The following LONP2 variants were observed in gnomAD, a reference collection of about 807,000 sequenced individuals.
The protein encoded by LONP2 is lon protease homolog 2, peroxisomal.
LONP2 carries 60 observed loss-of-function variants against 85.6 expected under a neutral mutation model. The ratio of observed to expected loss-of-function variants is 0.70; its 90% CI spans 0.57 to 0.87. LONP2 has a LOEUF of 0.87. LONP2 is among the 40% of genes least tolerant of loss of function. LONP2 has a pLI of 0.00. For missense variants in LONP2, 860 were observed against 1,063.5 expected (o/e 0.81, Z 2.66); for synonymous variants, 395 against 389.7 (o/e 1.01, Z -0.16).
chr16:48,270,435 G>A (rs1307066041), intron 7 of LONP2, among the ~76,000 whole-genome samples, 161 bp downstream of exon 7: 1 of 152,166 alleles, frequency 6.6e-6, no homozygotes, highest in South Asian at 2.1e-4. Context: ...CTAGCCTAGA[G>A]CCTCTAAGCG....
intron 8 of LONP2, among the ~76,000 whole-genome samples, chr16:48,285,858 C>T (rs143034854): frequency 2.0e-5 from 3 of 152,162 alleles, no homozygotes; most frequent in African/African-American, 7.2e-5. Flanking sequence ...ATGTTAAGCA[C>T]ATTCGCATTG....
chr16:48,293,652 A>G (rs568386232), intron 8 of LONP2, among the ~76,000 whole-genome samples: 1 of 152,276 alleles, frequency 6.6e-6, no homozygotes, highest in Non-Finnish European at 1.5e-5. Context: ...GAAGGACACA[A>G]CAGAACTCTT....
At chr16:48,287,533 T>G (rs995047749) in intron 8 of LONP2, among the ~76,000 whole-genome samples, 2 of 152,210 alleles carry the variant, frequency 1.3e-5, no homozygotes, top group Admixed American at 6.5e-5. Flanking sequence ...AATAAGGATA[T>G]GGAGCTCTTC....
chr16:48,347,572 A>G lies in LONP2; in HGVS notation c.2004A>G (p.Glu668=), dbSNP rs1567353915. The G allele has an allele frequency of 1.3e-5, 21 of 1,614,140 alleles. No individual in the cohort carries two copies. The highest frequency in any genetic ancestry group is 1.8e-5 in the Non-Finnish European group (21 of 1,180,052). ...TGGCTTGGACTCCCTTAGGTGGAGAAATCATGTTCGTGGAGGCGAGTCGAA... is the reference window on the plus strand; with the variant it reads ...TGGCTTGGACTCCCTTAGGTGGAGAGATCATGTTCGTGGAGGCGAGTCGAA... ...IGLAWTPLGG[E]IMFVEASRMD... The change falls in exon 13 of 15, where the codon GAA becomes GAG. Residue 668 remains glutamate (E), a synonymous_variant. Transcript: ENST00000285737.
At chr16:48,300,570 G>A (rs1030063153) in intron 10 of LONP2, among the ~76,000 whole-genome samples, 2 of 152,204 alleles carry the variant, frequency 1.3e-5, no homozygotes, top group Admixed American at 6.5e-5. Flanking sequence ...AGTAACTACT[G>A]TTTTTAAGAG....
At position 48,362,551 on chromosome 16, in the gene LONP2, G is replaced by A. The variant is rs1462874069; in HGVS notation, c.*688G>A. On this transcript the variant is annotated 3_prime_UTR_variant, in exon 5 of 5. Coordinates refer to the LONP2 transcript ENST00000565867. This position sits in a 1 kb window ranked among gnomAD's most constrained non-coding sequence, Gnocchi z 4.2. ...CATACAAAATTTACTGAGCAAAAGA[G>A]GAAGAAAAATAGGATTAAAAAAGAT... 2.1e-6 allele frequency: 2 copies of A among 963,862 alleles called. No individual in the cohort carries two copies. Among genetic ancestry groups the A allele is most frequent in the Non-Finnish European group, 3.1e-6 (2 of 650,182 alleles). 59.7% of individuals were successfully genotyped at this position (963,862 alleles called of 1,614,324 possible).
chr16:48,294,301 A>C (rs1596956512), intron 8 of LONP2, among the ~76,000 whole-genome samples: 2 of 152,292 alleles, frequency 1.3e-5, no homozygotes, highest in African/African-American at 4.8e-5. Flanking sequence ...TTCAATACTG[A>C]ACATAATTAG....
intron 2 of LONP2, among the ~76,000 whole-genome samples, chr16:48,254,566 T>A (rs983009961): frequency 6.6e-6 from 1 of 152,090 alleles, no homozygotes; most frequent in South Asian, 2.1e-4. Context: ...GGTTTCACCA[T>A]GTTGGCCAGG....
chr16:48,263,339 C>G (rs61055548), intron 6 of LONP2, among the ~76,000 whole-genome samples: 1 of 152,146 alleles, frequency 6.6e-6, no homozygotes, highest in Non-Finnish European at 1.5e-5. Flanking sequence ...TAACCATCAC[C>G]TCCCATTTCC....
intron 12 of LONP2, chr16:48,345,454 GATGT>G (rs1390532741): frequency 4.6e-5 from 7 of 152,342 alleles, no homozygotes; most frequent in Non-Finnish European, 1.0e-4. Flanking sequence ...ACACAAATTA[GATGT>G]ATGTCATTCA....
chr16:48,272,952 G>C (rs879093657), intron 7 of LONP2, among the ~76,000 whole-genome samples: 1 of 152,166 alleles, frequency 6.6e-6, no homozygotes, highest in Non-Finnish European at 1.5e-5. Flanking sequence ...GAGGAGGAGA[G>C]AAAGAACAAC....
chr16:48,348,010 ACATT>A (rs1960022168), intron 13 of LONP2, 86 bp from the exon 14 acceptor site: 26 of 1,226,160 alleles, frequency 2.1e-5, no homozygotes, highest in Non-Finnish European at 2.9e-5. Context: ...TTTACCCAAA[ACATT>A]CATTTTTGTT....
In LONP2 at chr16:48,348,085, T is replaced by C; in HGVS notation, c.2147-15T>C. 6.3e-7 allele frequency: 1 copy of C among 1,581,370 alleles called. No homozygotes were observed. The highest frequency in any genetic ancestry group is 8.5e-7 in the Non-Finnish European group (1 of 1,170,898). On this transcript the variant is annotated splice_polypyrimidine_tract_variant and intron_variant, in intron 13 of 14. Transcript: ENST00000285737. Reference sequence around the variant, plus strand: ...TTAATTTTTCTACATTAAAGTCCCTTTTTCCTTTTTAAAGCTTTTGGAAGT... The same window carrying C: ...TTAATTTTTCTACATTAAAGTCCCTCTTTCCTTTTTAAAGCTTTTGGAAGT...
At chr16:48,315,518 A>G (rs569326608) in intron 11 of LONP2, among the ~76,000 whole-genome samples, 1 of 152,184 alleles carries the variant, frequency 6.6e-6, no homozygotes, top group Non-Finnish European at 1.5e-5. Flanking sequence ...TTTTATAAGG[A>G]TATCAGTCTC....
At position 48,362,596 on chromosome 16, in the gene LONP2, A is replaced by G. The variant is rs1597018466; in HGVS notation, c.*733A>G. The stretch of plus-strand genomic sequence containing the variant: ...AAAGATATTAAAAAAATAAAATTAC[A>G]CTGAATGTGCACTTTATTAGGATCT... On this transcript the variant is annotated 3_prime_UTR_variant, in exon 5 of 5. Coordinates refer to the LONP2 transcript ENST00000565867. This position sits in a 1 kb window ranked among gnomAD's most constrained non-coding sequence, Gnocchi z 4.2. 3 of 674,770 alleles carry G rather than the reference A, an allele frequency of 4.4e-6. No individual in the cohort carries two copies. The East Asian group carries it at 8.5e-5, about 19-fold the overall frequency. 41.8% of individuals were successfully genotyped at this position (674,770 alleles called of 1,614,324 possible). A position where few individuals can be genotyped will look rare whatever the true frequency, so the allele number is the denominator to read the frequency against.
intron 9 of LONP2, 92 bp downstream of exon 9, chr16:48,296,257 T>G: frequency 7.4e-7 from 1 of 1,342,912 alleles, no homozygotes; most frequent in Non-Finnish European, 1.0e-6. Flanking sequence ...TAAAAGAAGT[T>G]CATTTGCCAA....
At chr16:48,303,358 A>T in intron 11 of LONP2, 53 bp downstream of exon 11, 1 of 1,595,382 alleles carries the variant, frequency 6.3e-7, no homozygotes, top group Non-Finnish European at 8.6e-7. Flanking sequence ...AGTGAGTGAC[A>T]GAAGAAGGTT....
intron 6 of LONP2, among the ~76,000 whole-genome samples, chr16:48,267,835 C>G (rs966021788): frequency 6.6e-6 from 1 of 152,056 alleles, no homozygotes; most frequent in Non-Finnish European, 1.5e-5. Flanking sequence ...AGGCTGGTCT[C>G]GAACTCCTGA....
chr16:48,257,581 C>CT (rs1971785310), intron 3 of LONP2, among the ~76,000 whole-genome samples: 1 of 151,974 alleles, frequency 6.6e-6, no homozygotes. Flanking sequence ...AACTGTAATA[C>CT]TTTAAGTTTT....
Sources: gnomAD v4.1 joint callset for allele counts (sites outside exome capture counted in the v4.1 genomes callset) on GRCh38, gnomAD v4.1.1 for gene constraint, Gnocchi (gnomAD v3.1) non-coding constraint, MANE v1.5 for transcripts, NCBI Gene and HGNC (gene_info 2026-07-23, HGNC 2026-07-21) for gene names.